The following FERRY3 variants were observed in gnomAD, a reference collection of about 807,000 sequenced individuals.
FERRY3 encodes protein C12orf4.
chr12:4,496,306 T>C, the FERRY3 span, among the ~76,000 whole-genome samples: 1 of 152,074 alleles, frequency 6.6e-6, no homozygotes, highest in Non-Finnish European at 1.5e-5. Context: ...TCACCATGAG[T>C]TGTGGTCAGC....
the FERRY3 span, among the ~76,000 whole-genome samples, chr12:4,490,119 C>T: frequency 1.3e-5 from 2 of 152,026 alleles, no homozygotes; most frequent in African/African-American, 4.8e-5. Context: ...TCAAATAATA[C>T]GTTTGAGTAA....
At chr12:4,500,265 A>G in the FERRY3 span, 12 of 1,613,982 alleles carry the variant, frequency 7.4e-6, no homozygotes, top group Non-Finnish European at 2.5e-6. Flanking sequence ...TCCCGATTTC[A>G]CATGGTCATC....
At chr12:4,534,547 G>A in the FERRY3 span, among the ~76,000 whole-genome samples, 6 of 152,124 alleles carry the variant, frequency 3.9e-5, no homozygotes, top group Admixed American at 2.0e-4. Flanking sequence ...GGGACCACAG[G>A]TGCATGCCAC....
the FERRY3 span, among the ~76,000 whole-genome samples, chr12:4,524,393 G>C: frequency 6.6e-6 from 1 of 151,942 alleles, no homozygotes; most frequent in African/African-American, 2.4e-5. Flanking sequence ...GAGATGTCAG[G>C]TAAAGACTTT....
chr12:4,534,004 T>C, the FERRY3 span: 3 of 744,274 alleles, frequency 4.0e-6, no homozygotes, highest in African/African-American at 3.7e-5. Context: ...CACCCTGATA[T>C]AGGAAGCACA....
At chr12:4,506,824 G>A in the FERRY3 span, among the ~76,000 whole-genome samples, 4 of 152,086 alleles carry the variant, frequency 2.6e-5, no homozygotes, top group African/African-American at 7.2e-5. Context: ...GAAAAATAAT[G>A]GAATGTCTTA....
the FERRY3 span, among the ~76,000 whole-genome samples, chr12:4,526,054 TAA>T: frequency 1.3e-5 from 2 of 152,206 alleles, no homozygotes; most frequent in Non-Finnish European, 2.9e-5. Context: ...AAATTACTAT[TAA>T]GTCATAAAAT....
At chr12:4,531,404 A>G in the FERRY3 span, among the ~76,000 whole-genome samples, 1 of 152,356 alleles carries the variant, frequency 6.6e-6, no homozygotes, top group South Asian at 2.1e-4. Flanking sequence ...CCAGATGTTC[A>G]GTAGCCCCAC....
the FERRY3 span, chr12:4,534,281 T>A: frequency 2.5e-6 from 4 of 1,610,052 alleles, no homozygotes; most frequent in South Asian, 4.4e-5. Flanking sequence ...TTCTATAAAC[T>A]GAGTCAGAGC....
At chr12:4,492,966 A>C in the FERRY3 span, among the ~76,000 whole-genome samples, 1 of 152,048 alleles carries the variant, frequency 6.6e-6, no homozygotes, top group Non-Finnish European at 1.5e-5. Context: ...CATTTGCCTA[A>C]ACATGGTCTG....
the FERRY3 span, among the ~76,000 whole-genome samples, chr12:4,535,571 TCTAA>T: frequency 6.6e-6 from 1 of 152,220 alleles, no homozygotes; most frequent in Non-Finnish European, 1.5e-5. The surrounding 1 kb of genome is among the most constrained non-coding windows in gnomAD (Gnocchi z 4.0). Flanking sequence ...GTTTAATACA[TCTAA>T]CTTTATAAAA....
the FERRY3 span, among the ~76,000 whole-genome samples, chr12:4,513,533 T>G: frequency 6.6e-5 from 10 of 150,896 alleles, no homozygotes. Context: ...ATGGTACTGG[T>G]ACCAAAACAG....
At chr12:4,509,757 T>C in the FERRY3 span, among the ~76,000 whole-genome samples, 49 of 140,628 alleles carry the variant, frequency 3.5e-4, 1 homozygote, top group Non-Finnish European at 2.1e-4. Context: ...TACATCACCA[T>C]CATCAAAGAC....
At chr12:4,530,797 C>T in the FERRY3 span, among the ~76,000 whole-genome samples, 253 of 152,244 alleles carry the variant, frequency 1.7e-3, 1 homozygote, top group African/African-American at 5.9e-3. Flanking sequence ...CCTCAGCACA[C>T]ACGAATACAT....
chr12:4,525,861 C>T, the FERRY3 span, among the ~76,000 whole-genome samples: 4 of 152,134 alleles, frequency 2.6e-5, no homozygotes, highest in Non-Finnish European at 5.9e-5. Context: ...TCTAAGTTAC[C>T]TTTCAATTAC....
the FERRY3 span, among the ~76,000 whole-genome samples, chr12:4,515,580 C>T: frequency 6.6e-6 from 1 of 152,132 alleles, no homozygotes; most frequent in South Asian, 2.1e-4. Context: ...ATTATATCAT[C>T]TCACTTATAC....
chr12:4,513,615 A>T, the FERRY3 span, among the ~76,000 whole-genome samples: 11,857 of 152,162 alleles, frequency 0.078, 636 homozygotes, highest in Non-Finnish European at 0.12. Context: ...CTGATCTTTG[A>T]CAAACCTGAG....
At chr12:4,504,823 C>T in the FERRY3 span, among the ~76,000 whole-genome samples, 1 of 152,062 alleles carries the variant, frequency 6.6e-6, no homozygotes, top group South Asian at 2.1e-4. Context: ...AATTTTTAGG[C>T]CGGGCATGGT....
the FERRY3 span, among the ~76,000 whole-genome samples, chr12:4,509,752 C>A: frequency 1.2e-3 from 162 of 137,788 alleles, no homozygotes; most frequent in South Asian, 0.012. Context: ...ATCTGTACAT[C>A]ACCATCATCA....
Sources: allele counts gnomAD v4.1 joint callset (sites outside exome capture counted in the v4.1 genomes callset), GRCh38; gene constraint gnomAD v4.1.1; non-coding constraint Gnocchi (gnomAD v3.1); transcripts MANE v1.5; gene names NCBI Gene and HGNC (gene_info 2026-07-23, HGNC 2026-07-21).